Variants in GRID2 observed in about 807,000 individuals in gnomAD.
GRID2 encodes glutamate receptor ionotropic, delta-2.
A neutral mutation model predicts 114.8 loss-of-function variants in GRID2; 33 were observed. The observed-to-expected ratio is 0.29, with a 90% CI of 0.22 to 0.38. The LOEUF is 0.38. Among genes scored for constraint, GRID2 ranks in the 10% least tolerant of loss-of-function variants. The probability of loss-of-function intolerance (pLI) is 1.00; values close to 1 mark genes in which losing one functional copy is unlikely to be tolerated. For synonymous variants in GRID2, 505 were observed against 449.9 expected, an observed-to-expected ratio of 1.12 and a Z score of -1.55; for missense variants, 1,184 against 1,257.7, an observed-to-expected ratio of 0.94 and a Z score of 0.89.
chr4:93,054,474 A>G (rs1329037135), intron 2 of GRID2, among the ~76,000 whole-genome samples: 1 of 151,844 alleles, frequency 6.6e-6, no homozygotes, highest in Non-Finnish European at 1.5e-5. Context: ...GTATATTTGT[A>G]TACCATTTGT....
At chr4:92,536,311 C>T (rs900320143) in intron 1 of GRID2, among the ~76,000 whole-genome samples, 4 of 152,074 alleles carry the variant, frequency 2.6e-5, no homozygotes, top group Non-Finnish European at 1.5e-5. Context: ...GGTGTGTTTA[C>T]AAACCTTTAG....
chr4:93,110,613 G>A (rs1309813742), intron 3 of GRID2, 135 bp from the exon 4 acceptor site: 34 of 670,220 alleles, frequency 5.1e-5, no homozygotes, highest in South Asian at 7.2e-5. Flanking sequence ...TGAGAGTTCC[G>A]TCAGCTACTC....
At chr4:93,539,787 A>C (rs1010457689) in intron 13 of GRID2, among the ~76,000 whole-genome samples, 2 of 152,116 alleles carry the variant, frequency 1.3e-5, no homozygotes, top group Non-Finnish European at 2.9e-5. Context: ...GATGTCAGAA[A>C]TATGTCTGAT....
intron 2 of GRID2, among the ~76,000 whole-genome samples, chr4:92,625,439 A>G (rs1451591491): frequency 6.6e-6 from 1 of 151,828 alleles, no homozygotes; most frequent in African/African-American, 2.4e-5. Flanking sequence ...AAAAGTAGAA[A>G]GAGAGTCTTC....
At position 92,536,428 on chromosome 4, in the gene GRID2, C is replaced by T. The variant is rs549621997; in HGVS notation, c.89-53703C>T. 7.9e-5 allele frequency among the ~76,000 whole-genome samples: 12 copies of T among 152,234 alleles called. No homozygotes were observed. The South Asian group carries it at 8.3e-4, about 11-fold the overall frequency. ...ACCCAGCCGGCTTCACCTCTCACTA[C>T]GTTGCATAGTACTAGACAGACCTAC... is the stretch of plus-strand genomic sequence containing the variant. On this transcript the variant is annotated intron_variant, in intron 1 of 15. Coordinates refer to ENST00000282020, the MANE Select transcript of GRID2 (RefSeq NM_001510.4).
At chr4:92,336,477 T>C (rs1464919099) in intron 1 of GRID2, among the ~76,000 whole-genome samples, 2 of 152,178 alleles carry the variant, frequency 1.3e-5, no homozygotes, top group Non-Finnish European at 2.9e-5. Context: ...TTCCTCCACA[T>C]TTCTGTACTA....
chr4:93,123,200 A>G (rs6848546), intron 4 of GRID2, among the ~76,000 whole-genome samples: 70,135 of 151,786 alleles, frequency 0.46, 16,877 homozygotes, highest in Admixed American at 0.6. Flanking sequence ...AACAGCCTAT[A>G]GTCTATTTAA....
intron 1 of GRID2, among the ~76,000 whole-genome samples, chr4:92,564,823 A>G (rs1177943081): frequency 6.6e-6 from 1 of 152,014 alleles, no homozygotes; most frequent in Non-Finnish European, 1.5e-5. Context: ...TTTATAAAAT[A>G]TATATTTTCG....
chr4:92,345,799 C>T (rs1398839099), intron 1 of GRID2, among the ~76,000 whole-genome samples: 1 of 152,140 alleles, frequency 6.6e-6, no homozygotes, highest in Admixed American at 6.5e-5. Context: ...CTTGAGGTCT[C>T]TTGTAAATTA....
chr4:92,485,663 C>T (rs1020599243), intron 1 of GRID2, among the ~76,000 whole-genome samples: 1 of 151,382 alleles, frequency 6.6e-6, no homozygotes, highest in African/African-American at 2.4e-5. Context: ...GCACTCCAGC[C>T]TGGGCGACAG....
chr4:92,609,625 TTA>T (rs558362926), intron 2 of GRID2, among the ~76,000 whole-genome samples: 6,963 of 142,356 alleles, frequency 0.049, 197 homozygotes, highest in East Asian at 0.11. Context: ...ATAATATATA[TTA>T]TATATATATA....
chr4:92,315,081 T>C (rs1286988316), intron 1 of GRID2, among the ~76,000 whole-genome samples: 1 of 152,172 alleles, frequency 6.6e-6, no homozygotes, highest in Admixed American at 6.5e-5. Context: ...CTTTTGAATA[T>C]GAATCTTAGT....
chr4:93,674,380 A>G (rs371470181), intron 14 of GRID2, among the ~76,000 whole-genome samples: 1 of 152,214 alleles, frequency 6.6e-6, no homozygotes, highest in East Asian at 1.9e-4. Context: ...GCTGTCAGGT[A>G]CAATGCTGTG....
At chr4:93,023,705 A>G (rs1443294042) in intron 2 of GRID2, among the ~76,000 whole-genome samples, 2 of 151,876 alleles carry the variant, frequency 1.3e-5, no homozygotes, top group Non-Finnish European at 2.9e-5. Context: ...AACTGAAGCT[A>G]CTTTTACTTT....
chr4:92,471,649 A>C (rs2149096184), intron 1 of GRID2, among the ~76,000 whole-genome samples: 1 of 149,544 alleles, frequency 6.7e-6, no homozygotes, highest in East Asian at 1.9e-4. Flanking sequence ...TAACTTAAAC[A>C]AATTTAAATT....
chr4:93,551,649 A>G (rs1394951410), intron 13 of GRID2, among the ~76,000 whole-genome samples: 2 of 152,162 alleles, frequency 1.3e-5, no homozygotes, highest in East Asian at 1.9e-4. Flanking sequence ...ATTTTCTTTG[A>G]CTCTAAAGCC....
intron 14 of GRID2, among the ~76,000 whole-genome samples, chr4:93,709,672 C>T (rs1170117425): frequency 2.6e-5 from 4 of 152,126 alleles, no homozygotes; most frequent in Non-Finnish European, 4.4e-5. Context: ...AAACTTTCTA[C>T]CCTAGTCTTA....
At chr4:93,199,096 T>C (rs1741809837) in intron 4 of GRID2, among the ~76,000 whole-genome samples, 1 of 152,066 alleles carries the variant, frequency 6.6e-6, no homozygotes, top group Admixed American at 6.5e-5. Context: ...TAGCATATGG[T>C]AAAATAGGCA....
intron 2 of GRID2, among the ~76,000 whole-genome samples, chr4:92,799,125 C>T (rs1174411855): frequency 2.6e-5 from 4 of 151,990 alleles, no homozygotes; most frequent in African/African-American, 4.8e-5. Flanking sequence ...TGTAGAATCA[C>T]TGGGAGCCCA....
Sources: gnomAD v4.1 joint callset for allele counts (sites outside exome capture counted in the v4.1 genomes callset) on GRCh38, gnomAD v4.1.1 for gene constraint, MANE v1.5 for transcripts, NCBI Gene and HGNC (gene_info 2026-07-23, HGNC 2026-07-21) for gene names.